STX17: variants seen among roughly 807,000 people sequenced by gnomAD.
STX17 encodes the protein syntaxin 17, also known as syntaxin-17.
STX17 carries 29 observed loss-of-function variants against 35.9 expected under a neutral mutation model. That is an observed-to-expected ratio of 0.81 (90% CI 0.60 to 1.10). STX17 has a LOEUF of 1.10. Ranked by LOEUF, STX17 falls within the 50% of genes least tolerant of loss-of-function variation. The probability of loss-of-function intolerance (pLI) is 0.00; values close to 1 mark genes in which losing one functional copy is unlikely to be tolerated. For synonymous variants in STX17, 92 were observed against 118.3 expected, an observed-to-expected ratio of 0.78 and a Z score of 1.44; for missense variants, 312 against 352.3, an observed-to-expected ratio of 0.89 and a Z score of 0.92.
At chr9:99,912,693 G>A (rs1212336518) in intron 1 of STX17, among the ~76,000 whole-genome samples, 1 of 152,116 alleles carries the variant, frequency 6.6e-6, no homozygotes. Context: ...GCCAATAATA[G>A]CCAATTTGTA....
chr9:99,928,897 A>G, intron 3 of STX17, 54 bp downstream of exon 3: 1 of 1,533,744 alleles, frequency 6.5e-7, no homozygotes, highest in South Asian at 1.2e-5. Flanking sequence ...CAGTCTTAAG[A>G]CAATTTTGCT....
At chr9:99,959,387 A>C (rs1470002451) in intron 4 of STX17, among the ~76,000 whole-genome samples, 1 of 150,610 alleles carries the variant, frequency 6.6e-6, no homozygotes, top group African/African-American at 2.4e-5. Flanking sequence ...AATTAAAAAC[A>C]AAAAAAAAAA....
intron 6 of STX17, among the ~76,000 whole-genome samples, chr9:99,962,508 A>G (rs939214279): frequency 2.6e-5 from 4 of 152,232 alleles, no homozygotes; most frequent in Non-Finnish European, 5.9e-5. Flanking sequence ...TATGTAAATT[A>G]TACCTCAATA....
intron 4 of STX17, chr9:99,954,179 C>G (rs1829662108): frequency 6.6e-6 from 1 of 152,016 alleles, no homozygotes. Flanking sequence ...GACCTAATTA[C>G]TAGGAGAAAA....
chr9:99,967,066 C>T (rs752303876), intron 6 of STX17, among the ~76,000 whole-genome samples: 2 of 152,164 alleles, frequency 1.3e-5, no homozygotes, highest in Non-Finnish European at 2.9e-5. Flanking sequence ...TATTAAGATA[C>T]ACAGGTGTAA....
chr9:99,956,062 CTT>C (rs1829704209), intron 4 of STX17, among the ~76,000 whole-genome samples: 1 of 152,106 alleles, frequency 6.6e-6, no homozygotes, highest in African/African-American at 2.4e-5. Flanking sequence ...ATAGTCATGA[CTT>C]GAATTGATTA....
At chr9:99,951,012 T>G in intron 3 of STX17, 48 bp from the exon 4 acceptor site, 1 of 1,474,260 alleles carries the variant, frequency 6.8e-7, no homozygotes, top group South Asian at 1.3e-5. Context: ...AAAAGAAAGA[T>G]ATCTTATACT....
intron 1 of STX17, among the ~76,000 whole-genome samples, chr9:99,907,862 C>T (rs1488760161): frequency 1.3e-5 from 2 of 152,026 alleles, no homozygotes; most frequent in Non-Finnish European, 2.9e-5. Flanking sequence ...ATTCTAGGAT[C>T]CACTCTAAGA....
chr9:99,910,392 G>A (rs1184519860), intron 1 of STX17, among the ~76,000 whole-genome samples: 2 of 152,090 alleles, frequency 1.3e-5, no homozygotes, highest in African/African-American at 4.8e-5. Context: ...CTTGGAATAT[G>A]GATAAATGGA....
chr9:99,940,723 C>T (rs1433303471), intron 3 of STX17, among the ~76,000 whole-genome samples: 2 of 152,122 alleles, frequency 1.3e-5, no homozygotes, highest in Non-Finnish European at 2.9e-5. Flanking sequence ...TCAGGCAGTC[C>T]GCCTGACTCA....
chr9:99,956,453 A>G (rs1217794873), intron 4 of STX17, among the ~76,000 whole-genome samples: 3 of 152,178 alleles, frequency 2.0e-5, no homozygotes, highest in African/African-American at 7.2e-5. Context: ...AGTTATCATT[A>G]TTCATCATAA....
chr9:99,951,345 CT>C, intron 4 of STX17, 60 bp downstream of exon 4: 1 of 1,472,696 alleles, frequency 6.8e-7, no homozygotes, highest in Non-Finnish European at 9.4e-7. Flanking sequence ...TAAAGATCAC[CT>C]CCTTGAGTAG....
In STX17 at chr9:99,971,119, G is replaced by A. The variant is rs1264203558; in HGVS notation, c.*2446G>A. Among the ~76,000 whole-genome samples, 1 of 152,208 alleles carries A rather than the reference G, an allele frequency of 6.6e-6. No individual in the cohort carries two copies. Among genetic ancestry groups the A allele is most frequent in the Non-Finnish European group, 1.5e-5 (1 of 68,038 alleles). On this transcript the variant is annotated 3_prime_UTR_variant, in exon 8 of 8. Coordinates refer to ENST00000259400, the MANE Select transcript of STX17 (RefSeq NM_017919.3). ...GATAAAGTGTTTATAAGCATAGTCA[G>A]TGTGACACAGAAACCAATCTTAAAA...
chr9:99,963,915 C>A (rs1202559403), intron 6 of STX17, among the ~76,000 whole-genome samples: 1 of 151,858 alleles, frequency 6.6e-6, no homozygotes, highest in East Asian at 1.9e-4. Flanking sequence ...GAGTTTAGAA[C>A]CAGAATAGCT....
rs116639910 is a variant in STX17, at chr9:99,962,902, C to T, written c.582+2747C>T. On this transcript the variant is annotated intron_variant, in intron 6 of 7. Coordinates refer to ENST00000259400, the MANE Select transcript of STX17 (RefSeq NM_017919.3). ...GGCACAGAATGACCTAGGAACATAA[C>T]CAGAGTGACCACATCCTCTCATTAT... Among the ~76,000 whole-genome samples, 330 of 152,260 alleles carry T rather than the reference C, an allele frequency of 2.2e-3. 1 individual carries two copies. Among genetic ancestry groups the T allele is most frequent in the African/African-American group, 7.5e-3 (312 of 41,550 alleles).
chr9:99,960,167 A>G lies in STX17; in HGVS notation c.582+12A>G. 1 of 1,612,528 alleles carries G rather than the reference A, an allele frequency of 6.2e-7. No homozygotes were observed. Among genetic ancestry groups the G allele is most frequent in the East Asian group, 2.2e-5 (1 of 44,816 alleles). ...CTCTCCTAGTGAATGTAAGTATATA[A>G]CTGTTTTGGATGCAGAATTGTTGGA... On this transcript the variant is annotated intron_variant, in intron 6 of 7. Transcript: ENST00000259400.
At chr9:99,930,059 CCCA>C in intron 3 of STX17, among the ~76,000 whole-genome samples, 1 of 150,146 alleles carries the variant, frequency 6.7e-6, no homozygotes, top group Non-Finnish European at 1.5e-5. Flanking sequence ...ACTACAGGCA[CCCA>C]CCACCACGCC....
intron 4 of STX17, among the ~76,000 whole-genome samples, chr9:99,953,062 A>G (rs1288642418): frequency 6.6e-6 from 1 of 152,016 alleles, no homozygotes; most frequent in Non-Finnish European, 1.5e-5. Context: ...AAAATAAAAA[A>G]AAAGAAATGT....
In STX17 at chr9:99,959,987, T is replaced by C; in HGVS notation, c.486T>C (p.Ile162=). The C allele has an allele frequency of 6.2e-7, 1 of 1,614,058 alleles. No homozygotes were observed. The highest frequency in any genetic ancestry group is 8.5e-7 in the Non-Finnish European group (1 of 1,179,994). Residue 162 remains isoleucine (I), a synonymous_variant, in exon 5 of 8, where the codon ATT becomes ATC. Transcript: ENST00000259400. ...SLTQIYALPE[I]PQDQNAAESW... ...CTCAGATATATGCCTTACCTGAAAT[T>C]CCTCAAGATCAAAATGCTGCAGAAT...
Sources: gnomAD v4.1 joint callset for allele counts (sites outside exome capture counted in the v4.1 genomes callset) on GRCh38, gnomAD v4.1.1 for gene constraint, MANE v1.5 for transcripts, NCBI Gene and HGNC (gene_info 2026-07-23, HGNC 2026-07-21) for gene names.